KIF6: variants seen among roughly 807,000 people sequenced by gnomAD.
KIF6 encodes the protein kinesin-like protein KIF6.
A neutral mutation model predicts 112.7 loss-of-function variants in KIF6; 106 were observed. That is an observed-to-expected ratio of 0.94 (90% CI 0.80 to 1.11). KIF6 has a LOEUF of 1.11. Among genes scored for constraint, KIF6 ranks in the 50% least tolerant of loss-of-function variants. KIF6 has a pLI of 0.00. For synonymous variants in KIF6, 339 were observed against 339.9 expected (o/e 1.00, Z 0.03); for missense variants, 929 against 964.0 (o/e 0.96, Z 0.48).
chr6:39,680,233 C>T (rs891844915), intron 3 of KIF6, among the ~76,000 whole-genome samples: 36 of 151,942 alleles, frequency 2.4e-4, no homozygotes, highest in Admixed American at 5.9e-4. Context: ...GTTTTGAACT[C>T]CTGACCTCAA....
chr6:39,539,144 C>G lies in KIF6; in HGVS notation c.1645+859G>C, dbSNP rs9349122. On this transcript the variant is annotated intron_variant, in intron 13 of 22. Transcript: ENST00000287152. ...ATGACAAGTTAATGGGTGCAGCACACCAGCATGGCACATGTATACATATGT... is the reference window on the plus strand; with the variant it reads ...ATGACAAGTTAATGGGTGCAGCACAGCAGCATGGCACATGTATACATATGT... 7.3e-5 allele frequency among the ~76,000 whole-genome samples: 11 copies of G among 150,788 alleles called. No homozygotes were observed. In the East Asian group the frequency reaches 2.0e-3, roughly 27 times the overall value.
chr6:39,368,214 A>G (rs1176861817), intron 16 of KIF6, among the ~76,000 whole-genome samples: 1 of 152,218 alleles, frequency 6.6e-6, no homozygotes, highest in Non-Finnish European at 1.5e-5. Flanking sequence ...AACTGCCTGC[A>G]TCGGGCCCTT....
chr6:39,663,580 T>C (rs1181941914), intron 3 of KIF6, among the ~76,000 whole-genome samples: 1 of 151,958 alleles, frequency 6.6e-6, no homozygotes, highest in Non-Finnish European at 1.5e-5. Flanking sequence ...TTTATGAAAA[T>C]ATGTTGATGA....
intron 13 of KIF6, among the ~76,000 whole-genome samples, chr6:39,467,065 G>C (rs969281429): frequency 6.6e-6 from 1 of 152,198 alleles, no homozygotes; most frequent in Non-Finnish European, 1.5e-5. Context: ...ACAACAGAGA[G>C]CTTTATAGCT....
At chr6:39,714,862 C>A in intron 2 of KIF6, 96 bp from the exon 3 acceptor site, 1 of 800,338 alleles carries the variant, frequency 1.2e-6, no homozygotes, top group Non-Finnish European at 2.1e-6. Flanking sequence ...TTAATTACCC[C>A]ATATTTACAT....
At chr6:39,619,488 C>A (rs150359717) in intron 5 of KIF6, among the ~76,000 whole-genome samples, 2 of 152,236 alleles carry the variant, frequency 1.3e-5, no homozygotes, top group East Asian at 1.9e-4. Flanking sequence ...TGGATAAAGT[C>A]ATTTAATGTA....
intron 3 of KIF6, among the ~76,000 whole-genome samples, chr6:39,646,189 A>G (rs1472630177): frequency 6.6e-6 from 1 of 151,300 alleles, no homozygotes; most frequent in East Asian, 1.9e-4. Context: ...GTAAAAAAAA[A>G]GAATCTCAAG....
At chr6:39,597,883 C>A (rs557346625) in intron 6 of KIF6, among the ~76,000 whole-genome samples, 5 of 151,924 alleles carry the variant, frequency 3.3e-5, no homozygotes, top group Non-Finnish European at 7.4e-5. Flanking sequence ...ATAAAGGACT[C>A]GGCCGGGTGT....
intron 14 of KIF6, among the ~76,000 whole-genome samples, chr6:39,421,870 T>C (rs1770397300): frequency 6.6e-6 from 1 of 152,194 alleles, no homozygotes; most frequent in Non-Finnish European, 1.5e-5. Context: ...TGGGCTCATA[T>C]GGCCTCTGCT....
chr6:39,405,417 G>A (rs1016049853), intron 15 of KIF6, among the ~76,000 whole-genome samples: 16 of 152,114 alleles, frequency 1.1e-4, no homozygotes, highest in Non-Finnish European at 2.4e-4. Flanking sequence ...AGTTTTTATT[G>A]TGATGAATGC....
intron 13 of KIF6, among the ~76,000 whole-genome samples, chr6:39,528,083 G>T (rs1027801590): frequency 6.6e-6 from 1 of 152,126 alleles, no homozygotes; most frequent in African/African-American, 2.4e-5. Flanking sequence ...CTCCCATCTA[G>T]TTGAGGCTTT....
chr6:39,658,235 T>C (rs1785916067), intron 3 of KIF6, among the ~76,000 whole-genome samples: 1 of 152,190 alleles, frequency 6.6e-6, no homozygotes, highest in Non-Finnish European at 1.5e-5. Context: ...TTAAAAGAAC[T>C]ATACACTAAT....
intron 13 of KIF6, among the ~76,000 whole-genome samples, chr6:39,523,741 C>T (rs997641473): frequency 2.2e-5 from 3 of 135,458 alleles, no homozygotes; most frequent in African/African-American, 8.3e-5. Context: ...CTCTTCCAGA[C>T]AGGTTTTTCC....
chr6:39,704,053 G>A (rs1428238815), intron 3 of KIF6, among the ~76,000 whole-genome samples: 1 of 152,046 alleles, frequency 6.6e-6, no homozygotes, highest in Non-Finnish European at 1.5e-5. Context: ...TGCCTCGGGA[G>A]AAACCAAATC....
chr6:39,615,385 C>T (rs1360899829), intron 5 of KIF6, among the ~76,000 whole-genome samples: 1 of 152,106 alleles, frequency 6.6e-6, no homozygotes, highest in Non-Finnish European at 1.5e-5. Flanking sequence ...AAAGGTGGTG[C>T]ATACACTCAT....
intron 15 of KIF6, among the ~76,000 whole-genome samples, chr6:39,395,101 A>G (rs1490003637): frequency 6.6e-6 from 1 of 152,234 alleles, no homozygotes. Context: ...TTTACAAAAA[A>G]TGACCAAATT....
intron 15 of KIF6, among the ~76,000 whole-genome samples, chr6:39,412,698 G>A (rs371085391): frequency 1.3e-5 from 2 of 152,094 alleles, no homozygotes; most frequent in South Asian, 2.1e-4. Flanking sequence ...TTTTCTCCTC[G>A]TATGTTAAAA....
Position 39,544,680 on chromosome 6 carries a change from T to A in KIF6, c.1301A>T (p.Asp434Val). 6.3e-7 allele frequency: 1 copy of A among 1,596,996 alleles called. No homozygotes were observed. Among genetic ancestry groups the A allele is most frequent in the African/African-American group, 1.4e-5 (1 of 73,774 alleles). Residue 434 changes from aspartate to valine, a missense_variant, in exon 12 of 23, where the codon GAC becomes GTC. By Grantham distance (152) the Asp-to-Val change is radical (BLOSUM62 -3). Coordinates refer to ENST00000287152, the MANE Select transcript of KIF6 (RefSeq NM_145027.6). ...TGTATTGTTTTCAAGGATCTTCTTG[T>A]CATTCAATAGTTTCTGTAAGATAAA... ...CFHHLKKLLN[D>V]KKILENNTVS...
chr6:39,702,103 T>G (rs1373871976), intron 3 of KIF6, among the ~76,000 whole-genome samples: 1 of 152,188 alleles, frequency 6.6e-6, no homozygotes, highest in Non-Finnish European at 1.5e-5. Flanking sequence ...TTAGGACCCT[T>G]CTCCTTGTTT....
Sources: gnomAD v4.1 joint callset for allele counts (sites outside exome capture counted in the v4.1 genomes callset) on GRCh38, gnomAD v4.1.1 for gene constraint, MANE v1.5 for transcripts, NCBI Gene and HGNC (gene_info 2026-07-23, HGNC 2026-07-21) for gene names.